AIDA: variants seen among roughly 807,000 people sequenced by gnomAD.
AIDA encodes axin interactor, dorsalization associated.
Under a neutral mutation model 42.7 loss-of-function variants are expected in AIDA, and 18 were observed. The ratio of observed to expected loss-of-function variants is 0.42; its 90% CI spans 0.29 to 0.63. AIDA has a LOEUF of 0.63. Among genes scored for constraint, AIDA ranks in the 20% least tolerant of loss-of-function variants. The probability of loss-of-function intolerance (pLI) is 0.19; values close to 1 mark genes in which losing one functional copy is unlikely to be tolerated. For missense variants in AIDA, 250 were observed against 354.1 expected (o/e 0.71, Z 2.36); for synonymous variants, 104 against 122.9 (o/e 0.85, Z 1.02).
chr1:222,712,465 C>T lies in AIDA; in HGVS notation c.-148G>A. 7.0e-7 allele frequency: 1 copy of T among 1,427,982 alleles called. No homozygotes were observed. The highest frequency in any genetic ancestry group is 9.1e-7 in the Non-Finnish European group (1 of 1,094,320). 88.5% of individuals were successfully genotyped at this position (1,427,982 alleles called of 1,614,324 possible). A position where few individuals can be genotyped will look rare whatever the true frequency, so the allele number is the denominator to read the frequency against. ...GCCACCCGCCGAGGAGCCGCCCAAG[C>T]CCATTTGCCGCCACAGCCAAACTTT... is the stretch of plus-strand genomic sequence containing the variant. On this transcript the variant is annotated 5_prime_UTR_variant, in exon 1 of 10. Transcript: ENST00000340020.
intron 2 of AIDA, 142 bp from the exon 3 acceptor site, chr1:222,694,405 C>A: frequency 1.3e-6 from 1 of 762,802 alleles, no homozygotes; most frequent in Admixed American, 2.5e-5. Context: ...CTTTCAGACT[C>A]TAGAGAAAAG....
chr1:222,679,731 C>T (rs889904293), intron 6 of AIDA, among the ~76,000 whole-genome samples: 4 of 152,190 alleles, frequency 2.6e-5, no homozygotes, highest in African/African-American at 9.6e-5. Flanking sequence ...TTGGCCATTT[C>T]TTCATTGTCC....
At chr1:222,670,790 A>G (rs1457480308) in intron 8 of AIDA, among the ~76,000 whole-genome samples, 3 of 152,202 alleles carry the variant, frequency 2.0e-5, no homozygotes, top group Admixed American at 6.5e-5. Flanking sequence ...CTTTTTCAGT[A>G]TTCAAAGCAC....
Position 222,669,851 on chromosome 1 carries a change from A to T in AIDA, c.*42T>A. 1.9e-6 allele frequency: 3 copies of T among 1,572,436 alleles called. No individual in the cohort carries two copies. The highest frequency in any genetic ancestry group is 2.7e-5 in the African/African-American group (2 of 73,458). The stretch of plus-strand genomic sequence containing the variant: ...CACAGAGCTATGATGGTTTCTACTG[A>T]GTGGTAAAATTCACAGAAGTTCCAG... On this transcript the variant is annotated 3_prime_UTR_variant, in exon 10 of 10. Coordinates refer to ENST00000340020, the MANE Select transcript of AIDA (RefSeq NM_022831.4).
Position 222,676,114 on chromosome 1 carries a change from T to C in AIDA, c.565A>G (p.Ile189Val). The C allele has an allele frequency of 1.2e-6, 2 of 1,609,530 alleles. No homozygotes were observed. Among genetic ancestry groups the C allele is most frequent in the Non-Finnish European group, 1.7e-6 (2 of 1,178,450 alleles). Residue 189 changes from isoleucine to valine, a missense_variant, in exon 7 of 10, where the codon ATT (isoleucine) becomes GTT (valine). Physicochemically the swap from Ile to Val is conservative, Grantham distance 29. This residue lies in a region of AIDA where 199 missense variants were observed against 232.6 expected (regional missense o/e 0.86). Coordinates refer to ENST00000340020, the MANE Select transcript of AIDA (RefSeq NM_022831.4). ...KDAGQCIDPYITVSVKDLNGI... is the reference protein window; with the variant it reads ...KDAGQCIDPYVTVSVKDLNGI... ...CACTTACCCTTTACACTAACTGTAATATAGGGATCGATGCACTGCCCAGCA... is the reference window on the plus strand; with the variant it reads ...CACTTACCCTTTACACTAACTGTAACATAGGGATCGATGCACTGCCCAGCA...
Position 222,670,142 on chromosome 1 carries a change from A to G in AIDA, c.815T>C (p.Val272Ala), listed in dbSNP as rs1287799202. The change falls in exon 9 of 10, where the codon GTA becomes GCA. Residue 272 changes from valine (V) to alanine (A), a missense_variant. By Grantham distance (64) the Val-to-Ala change is moderately conservative (BLOSUM62 0). Transcript: ENST00000340020. ...EMDEIKPGPIVIELYKKPTDF... is the reference protein window; with the variant it reads ...EMDEIKPGPIAIELYKKPTDF... The stretch of plus-strand genomic sequence containing the variant: ...TATGCACATCACTTACAGTTCTATT[A>G]CAATTGGCCCAGGTTTAATTTCATC... The G allele has an allele frequency of 6.2e-7, 1 of 1,613,776 alleles. No homozygotes were observed. Among genetic ancestry groups the G allele is most frequent in the African/African-American group, 1.3e-5 (1 of 75,044 alleles).
chr1:222,711,982 C>T (rs1656073728), intron 1 of AIDA: 2 of 584,794 alleles, frequency 3.4e-6, no homozygotes, highest in East Asian at 3.4e-5. Context: ...GGAACTGTCC[C>T]TGCGGAGGCG....
At chr1:222,693,748 T>A (rs1206386309) in intron 4 of AIDA, 41 bp downstream of exon 4, 2 of 1,485,890 alleles carry the variant, frequency 1.3e-6, no homozygotes, top group East Asian at 2.3e-5. Flanking sequence ...TAGATTATTT[T>A]TCCAAAGGAG....
chr1:222,673,993 A>G (rs938740015), intron 7 of AIDA, among the ~76,000 whole-genome samples: 3 of 152,100 alleles, frequency 2.0e-5, no homozygotes, highest in Middle Eastern at 3.4e-3. Flanking sequence ...AGGCTGAGGC[A>G]GGAGAATCTC....
chr1:222,670,163 T>A lies in AIDA; in HGVS notation c.794A>T (p.Glu265Val), dbSNP rs1422839954. 1.2e-6 allele frequency: 2 copies of A among 1,613,980 alleles called. No homozygotes were observed. Among genetic ancestry groups the A allele is most frequent in the East Asian group, 4.5e-5 (2 of 44,870 alleles). ...TATTACAATTGGCCCAGGTTTAATT[T>A]CATCCATCTCCATGAAAGCAAAACA... is the stretch of plus-strand genomic sequence containing the variant. ...TKCFAFMEMD[E>V]IKPGPIVIEL... Residue 265 changes from glutamate to valine, a missense_variant, in exon 9 of 10, where the codon GAA (glutamate) becomes GTA (valine). By Grantham distance (121) the Glu-to-Val change is moderately radical. Around this residue, in one of 4 missense-constraint regions of AIDA, gnomAD observed 35 missense variants for 75.9 expected, o/e 0.46. Coordinates refer to ENST00000340020, the MANE Select transcript of AIDA (RefSeq NM_022831.4).
At chr1:222,694,028 T>C (rs1003751962) in intron 3 of AIDA, among the ~76,000 whole-genome samples, 182 bp downstream of exon 3, 2 of 152,112 alleles carry the variant, frequency 1.3e-5, no homozygotes, top group African/African-American at 4.8e-5. Context: ...ACAGAAAAAA[T>C]TGAAGTCATA....
At chr1:222,676,939 C>A (rs3002126) in intron 6 of AIDA, among the ~76,000 whole-genome samples, 107,385 of 148,678 alleles carry the variant, frequency 0.72, 41,807 homozygotes, top group Non-Finnish European at 0.87. Context: ...AAAAAACAAA[C>A]AAAAAAAAAC....
chr1:222,705,642 G>C (rs1270877565), intron 1 of AIDA, among the ~76,000 whole-genome samples: 1 of 152,156 alleles, frequency 6.6e-6, no homozygotes. Flanking sequence ...CCAGCACTTT[G>C]GGAGGCCAAG....
At chr1:222,687,247 C>T (rs1050620285) in intron 5 of AIDA, among the ~76,000 whole-genome samples, 8 of 151,830 alleles carry the variant, frequency 5.3e-5, no homozygotes, top group Admixed American at 5.3e-4. Context: ...CTGGGCAATA[C>T]GGTGAAATCC....
At chr1:222,707,692 G>A (rs528413638) in intron 1 of AIDA, among the ~76,000 whole-genome samples, 5 of 152,032 alleles carry the variant, frequency 3.3e-5, no homozygotes, top group South Asian at 2.1e-4. Flanking sequence ...CAAGTAAAAC[G>A]GGACTATTCT....
intron 4 of AIDA, among the ~76,000 whole-genome samples, chr1:222,692,535 G>T (rs1173667605): frequency 6.6e-6 from 1 of 152,130 alleles, no homozygotes; most frequent in Non-Finnish European, 1.5e-5. Context: ...AAGTTTCCCT[G>T]AAGACATTCA....
At chr1:222,672,624 T>TG (rs1344179042) in intron 8 of AIDA, among the ~76,000 whole-genome samples, 1 of 152,120 alleles carries the variant, frequency 6.6e-6, no homozygotes, top group Non-Finnish European at 1.5e-5. Flanking sequence ...GGTCTTTTAG[T>TG]GGGGGAACAG....
Position 222,687,051 on chromosome 1 carries a change from G to A in AIDA, c.354-15C>T, listed in dbSNP as rs377095340. ...CCAAAATTCTTCTACACAAAAAAAG[G>A]GCAGAAAAAACAACAAACTGCAAAA... On this transcript the variant is annotated splice_polypyrimidine_tract_variant and intron_variant, in intron 5 of 9. Transcript: ENST00000340020. 14 of 1,610,802 alleles carry A rather than the reference G, an allele frequency of 8.7e-6. No homozygotes were observed. In the African/African-American group the frequency reaches 1.9e-4, roughly 22 times the overall value.
intron 4 of AIDA, 139 bp downstream of exon 4, chr1:222,693,650 C>T: frequency 1.6e-6 from 1 of 633,938 alleles, no homozygotes; most frequent in Non-Finnish European, 2.6e-6. Context: ...ACAGAAGTAA[C>T]AAAAGCACCC....
Sources: allele counts gnomAD v4.1 joint callset (sites outside exome capture counted in the v4.1 genomes callset), GRCh38; gene constraint gnomAD v4.1.1; regional missense constraint gnomAD v4.1.1; transcripts MANE v1.5; gene names NCBI Gene and HGNC (gene_info 2026-07-23, HGNC 2026-07-21).